Variants in GNL3L observed in about 807,000 individuals in gnomAD.
The protein encoded by GNL3L is G protein nucleolar 3 like, also known as guanine nucleotide-binding protein-like 3-like protein.
Under a neutral mutation model 42.9 loss-of-function variants are expected in GNL3L, and 4 were observed. The ratio of observed to expected loss-of-function variants is 0.09; its 90% confidence interval spans 0.05 to 0.21. The LOEUF is 0.21. GNL3L is among the 10% of genes least tolerant of loss of function. GNL3L has a pLI of 1.00. For synonymous variants in GNL3L, 159 were observed against 176.3 expected, an observed-to-expected ratio of 0.90 and a Z score of 0.78; for missense variants, 412 against 481.7, an observed-to-expected ratio of 0.86 and a Z score of 1.36.
rs1924679285 is a variant in GNL3L at position 54,543,285 on chromosome X, G to A, written c.469G>A (p.Glu157Lys). ...AGGCTGCCGCTGCTTCCAAATGGAGGAGGCTGTCCTGCGAGCACAAGGCAA... is the reference window on the plus strand; with the variant it reads ...AGGCTGCCGCTGCTTCCAAATGGAGAAGGCTGTCCTGCGAGCACAAGGCAA... ...PLGCRCFQME[E>K]AVLRAQGNKK... Residue 157 changes from glutamate to lysine, a missense_variant, in exon 7 of 16, where the codon GAG becomes AAG. Coordinates refer to ENST00000360845, the MANE Select transcript of GNL3L (RefSeq NM_001184819.2). 8.3e-7 allele frequency: 1 copy of A among 1,208,515 alleles called. No individual in the cohort carries two copies. The highest frequency in any genetic ancestry group is 1.8e-5 in the South Asian group (1 of 56,714).
At chrX:54,616,122 T>G (rs1307122198) in intron 16 of GNL3L, among the ~76,000 whole-genome samples, 1 of 112,343 alleles carries the variant, frequency 8.9e-6, no homozygotes, top group Admixed American at 9.4e-5. Context: ...TATGGCTGGA[T>G]AGGCAAGAGG....
Position 54,560,654 on chromosome X carries a change from G to A in GNL3L, c.*52G>A, listed in dbSNP as rs745604295. 5 of 707,698 alleles carry A rather than the reference G, an allele frequency of 7.1e-6. No homozygotes were observed. Among genetic ancestry groups the A allele is most frequent in the Non-Finnish European group, 9.1e-6 (4 of 440,247 alleles). 58.3% of individuals were successfully genotyped at this position (707,698 alleles called of 1,213,427 possible). A position where few individuals can be genotyped will look rare whatever the true frequency, so the allele number is the denominator to read the frequency against. On this transcript the variant is annotated 3_prime_UTR_variant, in exon 16 of 16. Transcript: ENST00000360845. The stretch of plus-strand genomic sequence containing the variant: ...CCAAGCACCAGTTCCGGTGGTACGG[G>A]GGAATACCAGTGAAATAGTTTGGTT...
chrX:54,560,163 G>A (rs770455436), intron 15 of GNL3L, among the ~76,000 whole-genome samples: 3 of 111,485 alleles, frequency 2.7e-5, no homozygotes, highest in South Asian at 3.8e-4. Context: ...ACATACAGCC[G>A]TGTTGCCCTT....
chrX:54,640,361 G>A, the GNL3L span, among the ~76,000 whole-genome samples: 1 of 112,035 alleles, frequency 8.9e-6, no homozygotes, highest in Admixed American at 9.4e-5. Flanking sequence ...AATTTTAAAT[G>A]TCCATCAGCA....
chrX:54,567,271 T>G lies in GNL3L; in HGVS notation c.*6669T>G, dbSNP rs981538995. Reference sequence around the variant, plus strand: ...CATATCTTCTGTGAATAAACATGGTTTTATTTCTTCATGTCTAATATATAT... The same window carrying G: ...CATATCTTCTGTGAATAAACATGGTGTTATTTCTTCATGTCTAATATATAT... On this transcript the variant is annotated 3_prime_UTR_variant, in exon 16 of 16. Transcript: ENST00000360845. 6.3e-5 allele frequency among the ~76,000 whole-genome samples: 7 copies of G among 111,500 alleles called. No individual in the cohort carries two copies. The highest frequency in any genetic ancestry group is 2.9e-4 in the Admixed American group (3 of 10,390).
At chrX:54,581,410 T>G (rs940731249) in intron 16 of GNL3L, among the ~76,000 whole-genome samples, 6 of 110,852 alleles carry the variant, frequency 5.4e-5, no homozygotes, top group African/African-American at 2.0e-4. Flanking sequence ...ATTTTTAAAT[T>G]ATTTTTTGTA....
At chrX:54,622,987 A>G (rs192547037), downstream of GNL3L, among the ~76,000 whole-genome samples, 376 of 111,887 alleles carry the variant, frequency 3.4e-3, 2 homozygotes, top group African/African-American at 0.012. Context: ...TTCTTACCCT[A>G]TTTAATGGAC....
chrX:54,624,224 A>C (rs1926325552), downstream of GNL3L, among the ~76,000 whole-genome samples: 1 of 111,163 alleles, frequency 9.0e-6, no homozygotes, highest in Non-Finnish European at 1.9e-5. Context: ...GGCATAAGCC[A>C]CTGCATCCAG....
At chrX:54,553,208 T>C (rs1924995755) in intron 13 of GNL3L, among the ~76,000 whole-genome samples, 1 of 112,063 alleles carries the variant, frequency 8.9e-6, no homozygotes, top group African/African-American at 3.2e-5. Flanking sequence ...GGAACAGAGA[T>C]GTGACTCTCA....
intron 5 of GNL3L, 145 bp downstream of exon 5, chrX:54,541,534 G>T: frequency 7.3e-6 from 3 of 409,534 alleles, no homozygotes; most frequent in Non-Finnish European, 4.3e-6. Flanking sequence ...GACGGACGAA[G>T]GGAGGGAGGG....
At chrX:54,606,997 TTTCTTTC>T (rs1302939573) in intron 16 of GNL3L, among the ~76,000 whole-genome samples, 1 of 17,546 alleles carries the variant, frequency 5.7e-5, no homozygotes, top group East Asian at 1.4e-3. Context: ...TTTCCTTTCC[TTTCTTTC>T]TTTCTTTCTT....
chrX:54,562,344 C>A lies in GNL3L; in HGVS notation c.*1742C>A, dbSNP rs780075447. On this transcript the variant is annotated 3_prime_UTR_variant, in exon 16 of 16. Transcript: ENST00000360845. The stretch of plus-strand genomic sequence containing the variant: ...TATAGGCGTGAGCCACTGTGCCCAG[C>A]CTCACAGCTGCATCTTAACCTTACC... Among the ~76,000 whole-genome samples, 1 of 112,380 alleles carries A rather than the reference C, an allele frequency of 8.9e-6. No individual in the cohort carries two copies. The highest frequency in any genetic ancestry group is 2.8e-4 in the East Asian group (1 of 3,566).
intron 16 of GNL3L, among the ~76,000 whole-genome samples, chrX:54,579,986 G>GTTTTTTTTTTTTTTTTT (rs869217575): frequency 4.2e-5 from 2 of 47,683 alleles, no homozygotes; most frequent in African/African-American, 9.8e-5. Flanking sequence ...CCTAAAGTTT[G>GTTTTTTTTTTTTTTTTT]TTTTTTTTTT....
intron 16 of GNL3L, among the ~76,000 whole-genome samples, chrX:54,587,093 C>G (rs1925793229): frequency 9.0e-6 from 1 of 111,717 alleles, no homozygotes; most frequent in Non-Finnish European, 1.9e-5. Flanking sequence ...GCCCACCTAC[C>G]TGGTCCACTG....
rs145765042 is a variant in GNL3L at position 54,618,769 on chromosome X, C to T, written c.*46-2076C>T. 2.6e-3 allele frequency among the ~76,000 whole-genome samples: 291 copies of T among 111,313 alleles called. 2 individuals carry two copies. Among genetic ancestry groups the T allele is most frequent in the African/African-American group, 8.9e-3 (272 of 30,598 alleles). On this transcript the variant is annotated intron_variant, in intron 16 of 16. Coordinates refer to the GNL3L transcript ENST00000674498. ...AAAAATTGCCAAACATGGTGACATA[C>T]ACCTATCATCCCAGCTACTTGGGAG...
rs767921159 is a variant in GNL3L at position 54,551,637 on chromosome X, C to T, written c.933C>T (p.Pro311=). 3.3e-6 allele frequency: 4 copies of T among 1,210,389 alleles called. No individual in the cohort carries two copies. The highest frequency in any genetic ancestry group is 4.5e-6 in the Non-Finnish European group (4 of 894,173). The change falls in exon 11 of 16, where the codon CCC becomes CCT. Residue 311 remains proline, a synonymous_variant. Transcript: ENST00000360845. ...ATGCTCCAGGCATTGTCCCAGGGCC[C>T]AACTCAGAGGTGGGCACCATCCTGC... ...LLDAPGIVPG[P]NSEVGTILRN...
At position 54,578,243 on chromosome X, in the gene GNL3L, G is replaced by A. The variant is rs190801936; in HGVS notation, c.*45+17596G>A. Among the ~76,000 whole-genome samples, 712 of 111,664 alleles carry A rather than the reference G, an allele frequency of 6.4e-3. 3 individuals carry two copies. The highest frequency in any genetic ancestry group is 0.011 in the Admixed American group (118 of 10,468). ...TCTGTCTGAAATATTGCTTCTGCTG[G>A]AAAAACTTCCTTTTACATCTCTTGT... On this transcript the variant is annotated intron_variant, in intron 16 of 16. Coordinates refer to the GNL3L transcript ENST00000674498.
chrX:54,607,082 CTTCTTTCTT>C (rs1926098679), intron 16 of GNL3L, among the ~76,000 whole-genome samples: 127 of 21,987 alleles, frequency 5.8e-3, no homozygotes, highest in African/African-American at 0.011. Context: ...CTCTTTCTTT[CTTCTTTCTT>C]TCTTTCTTTC....
chrX:54,634,787 C>CTTTT, the GNL3L span, among the ~76,000 whole-genome samples: 1 of 51,585 alleles, frequency 1.9e-5, no homozygotes, highest in Non-Finnish European at 3.5e-5. Flanking sequence ...GCGCCCGGCT[C>CTTTT]TTTTTTTTTT....
Sources: allele counts gnomAD v4.1 joint callset (sites outside exome capture counted in the v4.1 genomes callset), GRCh38; gene constraint gnomAD v4.1.1; transcripts MANE v1.5; gene names NCBI Gene and HGNC (gene_info 2026-07-23, HGNC 2026-07-21).